IGF2R: variants seen among roughly 807,000 people sequenced by gnomAD.
IGF2R encodes cation-independent mannose-6-phosphate receptor.
IGF2R carries 91 observed loss-of-function variants against 270.6 expected under a neutral mutation model. The observed-to-expected ratio is 0.34, with a 90% confidence interval of 0.28 to 0.40. The LOEUF (loss-of-function observed/expected upper bound fraction) is 0.40. IGF2R is among the 10% of genes least tolerant of loss of function. The pLI is 1.00. For synonymous variants in IGF2R, 1,316 were observed against 1,258.9 expected, an observed-to-expected ratio of 1.05 and a Z score of -0.96; for missense variants, 2,805 against 3,188.3, an observed-to-expected ratio of 0.88 and a Z score of 2.90.
chr6:160,064,346 T>A, intron 27 of IGF2R, 55 bp from the exon 28 acceptor site: 1 of 1,609,982 alleles, frequency 6.2e-7, no homozygotes. Context: ...TTAGGCTAAG[T>A]TTGACAGCCT....
rs773865521 is a variant in IGF2R, at chr6:160,059,036, G to A, written c.3029G>A (p.Ser1010Asn). ...GCAAGGCCAGTCGGAATTGAGAAAA[G>A]CCTCCAGCTGTCCACAGAGGGCTTC... ...KPARPVGIEK[S>N]LQLSTEGFIT... Residue 1010 changes from serine (S) to asparagine (N), a missense_variant, in exon 22 of 48, where the codon AGC becomes AAC. Ser to Asn is a conservative substitution (Grantham distance 46). Transcript: ENST00000356956. 8 of 1,614,240 alleles carry A rather than the reference G, an allele frequency of 5.0e-6. No homozygotes were observed. The highest frequency in any genetic ancestry group is 1.7e-5 in the Admixed American group (1 of 60,030).
chr6:159,999,256 C>T (rs190422996), intron 2 of IGF2R, among the ~76,000 whole-genome samples: 10 of 152,242 alleles, frequency 6.6e-5, no homozygotes, highest in East Asian at 1.9e-4. Flanking sequence ...GGGGAGGATT[C>T]GTGATAATTA....
rs886819667 is a variant in IGF2R, at chr6:159,995,551, G to T, written c.289+4228G>T. Among the ~76,000 whole-genome samples the T allele has an allele frequency of 2.6e-5, 4 of 152,172 alleles. No homozygotes were observed. The East Asian group carries it at 5.8e-4, about 22-fold the overall frequency. On this transcript the variant is annotated intron_variant, in intron 2 of 47. Coordinates refer to ENST00000356956, the MANE Select transcript of IGF2R (RefSeq NM_000876.4). ...GATGTGAGTTTTATACCTTTTGTCTGACTGGGTTAATTCAAACCTGTCTTT... is the reference window on the plus strand; with the variant it reads ...GATGTGAGTTTTATACCTTTTGTCTTACTGGGTTAATTCAAACCTGTCTTT...
At chr6:160,048,915 C>G (rs8191811) in intron 18 of IGF2R, among the ~76,000 whole-genome samples, 3,276 of 152,222 alleles carry the variant, frequency 0.022, 45 homozygotes, top group South Asian at 0.046. Context: ...GGGGAAAAAC[C>G]GATTTGGGAG....
Position 159,991,203 on chromosome 6 carries a change from G to C in IGF2R, c.169G>C (p.Asp57His). ...ELCSYTWEAVDTKNNVLYKIN... is the reference protein window; with the variant it reads ...ELCSYTWEAVHTKNNVLYKIN... ...TTCCAGTTATACATGGGAAGCTGTT[G>C]ATACCAAAAATAATGTACTTTATAA... The change falls in exon 2 of 48, where the codon GAT becomes CAT. Residue 57 changes from aspartate to histidine, a missense_variant. Physicochemically the swap from Asp to His is moderately conservative, Grantham distance 81. Transcript: ENST00000356956. The C allele has an allele frequency of 6.2e-7, 1 of 1,611,146 alleles. No individual in the cohort carries two copies. Among genetic ancestry groups the C allele is most frequent in the Non-Finnish European group, 8.5e-7 (1 of 1,178,524 alleles).
chr6:160,032,636 T>C lies in IGF2R; in HGVS notation c.968T>C (p.Leu323Pro), dbSNP rs751683771. 1 of 1,614,204 alleles carries C rather than the reference T, an allele frequency of 6.2e-7. No homozygotes were observed. The highest frequency in any genetic ancestry group is 1.1e-5 in the South Asian group (1 of 91,084). ...GAGTATGCCTGCCACAGAGATTACC[T>C]GGAAAGTAAAACTTGTTCTCTGAGC... ...ITEYACHRDY[L>P]ESKTCSLSGE... Residue 323 changes from leucine to proline, a missense_variant, in exon 8 of 48, where the codon CTG becomes CCG. By Grantham distance (98) the Leu-to-Pro change is moderately conservative (BLOSUM62 -3). Coordinates refer to ENST00000356956, the MANE Select transcript of IGF2R (RefSeq NM_000876.4).
intron 47 of IGF2R, among the ~76,000 whole-genome samples, chr6:160,104,203 T>C (rs1235406999): frequency 6.6e-6 from 1 of 152,170 alleles, no homozygotes; most frequent in Non-Finnish European, 1.5e-5. Context: ...ACATAATGTT[T>C]GTGGTCTCGA....
chr6:160,103,864 G>A, intron 47 of IGF2R, 49 bp downstream of exon 47: 1 of 1,228,646 alleles, frequency 8.1e-7, no homozygotes, highest in Non-Finnish European at 1.2e-6. Context: ...CCGGCCCCCT[G>A]TGCTGCGCTG....
chr6:160,044,765 G>T, intron 13 of IGF2R, 108 bp downstream of exon 13: 1 of 890,068 alleles, frequency 1.1e-6, no homozygotes, highest in South Asian at 1.8e-5. Context: ...AGACAGATTG[G>T]CATGGTGTTC....
chr6:160,079,295 T>G lies in IGF2R; in HGVS notation c.5479-285T>G, dbSNP rs529807195. ...ACCCCACTGCTGGGTCCCTTCTCAC[T>G]GGGCTCTGACTGGAGACGACAGCCA... On this transcript the variant is annotated intron_variant, in intron 37 of 47. Coordinates refer to ENST00000356956, the MANE Select transcript of IGF2R (RefSeq NM_000876.4). Among the ~76,000 whole-genome samples the G allele has an allele frequency of 9.3e-4, 142 of 152,312 alleles. 1 individual carries two copies. Among genetic ancestry groups the G allele is most frequent in the African/African-American group, 3.4e-3 (141 of 41,568 alleles).
chr6:159,976,054 G>T (rs1783688724), intron 1 of IGF2R, among the ~76,000 whole-genome samples: 1 of 151,850 alleles, frequency 6.6e-6, no homozygotes, highest in Non-Finnish European at 1.5e-5. Context: ...GAAACAGTTT[G>T]TATATAAGAT....
chr6:160,055,410 A>G (rs1778290523), intron 19 of IGF2R, among the ~76,000 whole-genome samples: 1 of 152,226 alleles, frequency 6.6e-6, no homozygotes, highest in Non-Finnish European at 1.5e-5. Flanking sequence ...GCACTCATAT[A>G]GGGCCTGCAG....
intron 44 of IGF2R, chr6:160,094,170 A>G (rs1779294753): frequency 2.6e-6 from 1 of 390,866 alleles, no homozygotes; most frequent in South Asian, 2.0e-5. Flanking sequence ...TTTGGTCTAT[A>G]AACAGGGCGT....
In IGF2R at chr6:160,058,981, C is replaced by A; in HGVS notation, c.2974C>A (p.Gln992Lys). 1 of 1,614,202 alleles carries A rather than the reference C, an allele frequency of 6.2e-7. No individual in the cohort carries two copies. The highest frequency in any genetic ancestry group is 1.1e-5 in the South Asian group (1 of 91,086). ...KPASGCEAET[Q>K]TEELKNWKPA... is the part of the protein sequence containing the mutation. ...TGCTTCTGGCTGTGAGGCAGAAACC[C>A]AAACTGAAGAGCTCAAGAATTGGAA... Residue 992 changes from glutamine (Q) to lysine (K), a missense_variant, in exon 22 of 48, where the codon CAA becomes AAA. Physicochemically the swap from Gln to Lys is moderately conservative, Grantham distance 53. Around this residue, in one of 2 missense-constraint regions of IGF2R, gnomAD observed 1,851 missense variants for 2,207.2 expected, o/e 0.84. Coordinates refer to ENST00000356956, the MANE Select transcript of IGF2R (RefSeq NM_000876.4).
At chr6:160,092,171 G>C (rs368036530) in intron 44 of IGF2R, among the ~76,000 whole-genome samples, 1 of 9,290 alleles carries the variant, frequency 1.1e-4, no homozygotes, top group Admixed American at 1.1e-3. Context: ...CACCGCTGGT[G>C]TGTCTGCAGG....
chr6:160,103,431 T>C (rs1489000305), intron 46 of IGF2R, among the ~76,000 whole-genome samples: 1 of 152,132 alleles, frequency 6.6e-6, no homozygotes, highest in Non-Finnish European at 1.5e-5. Context: ...CGAGCCACCA[T>C]TGGGCAGGCT....
Position 160,078,194 on chromosome 6 carries a change from G to A in IGF2R, c.5317-7G>A, listed in dbSNP as rs1364461334. 1 of 1,613,766 alleles carries A rather than the reference G, an allele frequency of 6.2e-7. No homozygotes were observed. The highest frequency in any genetic ancestry group is 2.2e-5 in the East Asian group (1 of 44,864). ...GTTTTTAAGACCCGTGCTCTTCCTG[G>A]CAACAGGGAACGCCTAAGCTGTTAA... On this transcript the variant is annotated splice_polypyrimidine_tract_variant and splice_region_variant and intron_variant, in intron 36 of 47. Coordinates refer to ENST00000356956, the MANE Select transcript of IGF2R (RefSeq NM_000876.4).
chr6:160,091,680 C>A (rs548684481), intron 44 of IGF2R, among the ~76,000 whole-genome samples: 2 of 152,358 alleles, frequency 1.3e-5, no homozygotes, highest in East Asian at 3.9e-4. Context: ...TTCGGTGAAT[C>A]CTTCAGTCAT....
At position 160,090,110 on chromosome 6, in the gene IGF2R, C is replaced by T. The variant is rs375162221; in HGVS notation, c.6655+7C>T. On this transcript the variant is annotated splice_region_variant and intron_variant, in intron 44 of 47. Coordinates refer to ENST00000356956, the MANE Select transcript of IGF2R (RefSeq NM_000876.4). ...ACCAAGTACTACCTTCAAGGTAATC[C>T]GTGGCTTCCCACAAAGTTCCACATT... The T allele has an allele frequency of 3.1e-5, 44 of 1,435,592 alleles. No individual in the cohort carries two copies. The highest frequency in any genetic ancestry group is 1.1e-4 in the East Asian group (4 of 36,920). The allele number at this position is 1,435,592 out of a possible 1,614,324, so 88.9% of individuals were successfully genotyped here.
Sources: allele counts gnomAD v4.1 joint callset (sites outside exome capture counted in the v4.1 genomes callset), GRCh38; gene constraint gnomAD v4.1.1; regional missense constraint gnomAD v4.1.1; transcripts MANE v1.5; gene names NCBI Gene and HGNC (gene_info 2026-07-23, HGNC 2026-07-21).